Variants in CSMD1 observed in about 807,000 individuals in gnomAD.
CSMD1 encodes CUB and sushi domain-containing protein 1.
CSMD1 carries 213 observed loss-of-function variants against 417.5 expected under a neutral mutation model. That is an observed-to-expected ratio of 0.51 (90% CI 0.46 to 0.57). The LOEUF is 0.57. CSMD1 is among the 20% of genes least tolerant of loss of function. The probability of loss-of-function intolerance (pLI) is 0.00; values close to 1 mark genes in which losing one functional copy is unlikely to be tolerated. For synonymous variants in CSMD1, 2,862 were observed against 1,736.8 expected (o/e 1.65, Z -16.11); for missense variants, 6,923 against 4,529.7 (o/e 1.53, Z -15.17).
intron 26 of CSMD1, among the ~76,000 whole-genome samples, chr8:3,251,347 C>G (rs1420311548): frequency 6.6e-6 from 1 of 152,100 alleles, no homozygotes; most frequent in Non-Finnish European, 1.5e-5. Context: ...TTGTTTTTGT[C>G]AGGTTTGTCA....
intron 5 of CSMD1, among the ~76,000 whole-genome samples, chr8:3,970,404 G>A (rs890071520): frequency 2.0e-5 from 3 of 152,184 alleles, no homozygotes; most frequent in Non-Finnish European, 4.4e-5. Context: ...AGATTGATTA[G>A]GAGGGAACAA....
chr8:3,341,725 G>C (rs1807668150), intron 23 of CSMD1, among the ~76,000 whole-genome samples: 1 of 152,174 alleles, frequency 6.6e-6, no homozygotes, highest in African/African-American at 2.4e-5. Flanking sequence ...CAAGAGAACT[G>C]GAAGAACGCC....
chr8:3,141,394 C>A (rs558096564), intron 41 of CSMD1, among the ~76,000 whole-genome samples: 1 of 152,266 alleles, frequency 6.6e-6, no homozygotes, highest in African/African-American at 2.4e-5. Context: ...GAATTCAATT[C>A]CTGGTTTGAC....
At chr8:3,072,295 G>A (rs544543814) in intron 49 of CSMD1, among the ~76,000 whole-genome samples, 2 of 152,112 alleles carry the variant, frequency 1.3e-5, no homozygotes, top group Admixed American at 6.5e-5. Context: ...GTATGGAACC[G>A]AAGAATATAT....
At chr8:3,643,288 G>C (rs1233255627) in intron 7 of CSMD1, among the ~76,000 whole-genome samples, 1 of 152,146 alleles carries the variant, frequency 6.6e-6, no homozygotes, top group South Asian at 2.1e-4. Flanking sequence ...AGAACTGGAT[G>C]GAAAGGAGGG....
At chr8:3,456,291 C>G (rs991357239) in intron 12 of CSMD1, among the ~76,000 whole-genome samples, 5 of 89,858 alleles carry the variant, frequency 5.6e-5, no homozygotes, top group African/African-American at 2.3e-4. Context: ...TGCTTCAGCT[C>G]ATGCTTTGTG....
intron 3 of CSMD1, among the ~76,000 whole-genome samples, chr8:4,406,373 G>C (rs766134865): frequency 3.9e-5 from 6 of 151,964 alleles, no homozygotes; most frequent in Non-Finnish European, 5.9e-5. Flanking sequence ...ATGACAATTA[G>C]ATGATTCATG....
At chr8:4,517,880 T>G (rs2056664) in intron 2 of CSMD1, among the ~76,000 whole-genome samples, 42,247 of 152,066 alleles carry the variant, frequency 0.28, 6,681 homozygotes, top group Admixed American at 0.41. Flanking sequence ...TTGATAAGAT[T>G]TGCATTTGAG....
At chr8:3,063,786 G>C (rs1233934094) in intron 49 of CSMD1, among the ~76,000 whole-genome samples, 3 of 152,150 alleles carry the variant, frequency 2.0e-5, no homozygotes, top group African/African-American at 7.2e-5. Flanking sequence ...TGAATTCAGA[G>C]AGACAAAGTA....
intron 8 of CSMD1, among the ~76,000 whole-genome samples, chr8:3,605,280 G>A (rs1402448533): frequency 3.3e-5 from 5 of 152,136 alleles, no homozygotes; most frequent in South Asian, 4.1e-4. Context: ...GTGCGCCATC[G>A]CGCCCAGATG....
intron 5 of CSMD1, among the ~76,000 whole-genome samples, chr8:3,922,371 C>T (rs1010096676): frequency 6.6e-6 from 1 of 152,026 alleles, no homozygotes; most frequent in African/African-American, 2.4e-5. Flanking sequence ...GTAACTTACA[C>T]ATAAAGTAAT....
At chr8:3,902,456 T>C (rs1427052407) in intron 5 of CSMD1, among the ~76,000 whole-genome samples, 1 of 152,110 alleles carries the variant, frequency 6.6e-6, no homozygotes. Flanking sequence ...AAAGACATTT[T>C]TTTTTCCATG....
chr8:3,708,526 G>T (rs781222074), intron 6 of CSMD1, 35 bp from the exon 7 acceptor site: 1 of 1,576,944 alleles, frequency 6.3e-7, no homozygotes, highest in Non-Finnish European at 8.7e-7. Flanking sequence ...TAGCAGGTAA[G>T]ACTTGGAGAT....
At chr8:3,951,754 G>C (rs750413700) in intron 5 of CSMD1, among the ~76,000 whole-genome samples, 1 of 152,152 alleles carries the variant, frequency 6.6e-6, no homozygotes, top group Non-Finnish European at 1.5e-5. Flanking sequence ...CGTAATAGAT[G>C]AGTAGAAAAT....
chr8:3,920,414 G>T lies in CSMD1; in HGVS notation c.818+77489C>A, dbSNP rs1030575236. The stretch of plus-strand genomic sequence containing the variant: ...ACACTGTAGGTTCTTTTCTAAGACT[G>T]TAACATCTGAAAACATAAAATTTTA... On this transcript the variant is annotated intron_variant, in intron 5 of 69. Coordinates refer to ENST00000635120, the MANE Select transcript of CSMD1 (RefSeq NM_033225.6). 5.3e-5 allele frequency among the ~76,000 whole-genome samples: 8 copies of T among 152,004 alleles called. No homozygotes were observed. The East Asian group carries it at 1.6e-3, about 29-fold the overall frequency.
chr8:4,218,249 T>G (rs1390579657), intron 3 of CSMD1, among the ~76,000 whole-genome samples: 4 of 152,174 alleles, frequency 2.6e-5, no homozygotes, highest in African/African-American at 4.8e-5. Context: ...ATGTAGCAAT[T>G]TATCTGAATT....
chr8:4,435,652 G>A (rs35455544), intron 2 of CSMD1, among the ~76,000 whole-genome samples: 54,485 of 152,074 alleles, frequency 0.36, 10,491 homozygotes, highest in Middle Eastern at 0.45. Context: ...CCTGGGGGAA[G>A]GGGATTTCCT....
At position 3,968,526 on chromosome 8, in the gene CSMD1, A is replaced by T. The variant is rs1393424136; in HGVS notation, c.818+29377T>A. ...TACTTAATAAAGCAACATACTGCAA[A>T]TGCCATTTTTTTTCAGATTTTCAGA... On this transcript the variant is annotated intron_variant, in intron 5 of 69. Coordinates refer to ENST00000635120, the MANE Select transcript of CSMD1 (RefSeq NM_033225.6). Among the ~76,000 whole-genome samples the T allele has an allele frequency of 7.4e-5, 11 of 149,476 alleles. No homozygotes were observed. In the East Asian group the frequency reaches 2.2e-3, roughly 30 times the overall value.
intron 3 of CSMD1, among the ~76,000 whole-genome samples, chr8:4,385,260 G>T (rs755473805): frequency 2.6e-5 from 4 of 152,160 alleles, no homozygotes; most frequent in Non-Finnish European, 5.9e-5. Context: ...GGTGTTTGAT[G>T]TTTATTCATC....
Sources: gnomAD v4.1 joint callset for allele counts (sites outside exome capture counted in the v4.1 genomes callset) on GRCh38, gnomAD v4.1.1 for gene constraint, MANE v1.5 for transcripts, NCBI Gene and HGNC (gene_info 2026-07-23, HGNC 2026-07-21) for gene names.